COL24A1: variants seen among roughly 807,000 people sequenced by gnomAD.
COL24A1 encodes collagen alpha-1(XXIV) chain.
COL24A1 carries 224 observed loss-of-function variants against 253.9 expected under a neutral mutation model. The observed-to-expected ratio is 0.88, with a 90% confidence interval of 0.79 to 0.99. The LOEUF is 0.99. Among genes scored for constraint, COL24A1 ranks in the 50% least tolerant of loss-of-function variants. The pLI is 0.00. For synonymous variants in COL24A1, 685 were observed against 673.7 expected, an observed-to-expected ratio of 1.02 and a Z score of -0.26; for missense variants, 2,131 against 2,068.5, an observed-to-expected ratio of 1.03 and a Z score of -0.59.
chr1:85,975,961 C>G (rs1692633998), intron 20 of COL24A1, among the ~76,000 whole-genome samples: 1 of 152,130 alleles, frequency 6.6e-6, no homozygotes, highest in Non-Finnish European at 1.5e-5. Flanking sequence ...GTAGGCACTC[C>G]CATTCTCCAG....
intron 24 of COL24A1, among the ~76,000 whole-genome samples, chr1:85,918,927 A>G (rs921680368): frequency 6.6e-6 from 1 of 152,194 alleles, no homozygotes; most frequent in Admixed American, 6.5e-5. Context: ...CTGATGTCAG[A>G]CTTGGCCATA....
chr1:85,967,687 C>T (rs759490387), intron 22 of COL24A1, among the ~76,000 whole-genome samples: 133 of 152,080 alleles, frequency 8.7e-4, no homozygotes, highest in African/African-American at 1.4e-3. Flanking sequence ...TGAAACTGGT[C>T]CACCTCAGAA....
chr1:85,853,065 C>A (rs551106083), intron 37 of COL24A1, among the ~76,000 whole-genome samples: 7 of 152,278 alleles, frequency 4.6e-5, no homozygotes, highest in African/African-American at 1.7e-4. Context: ...ATAATTTTGT[C>A]ACCTAGGTAA....
intron 3 of COL24A1, among the ~76,000 whole-genome samples, chr1:86,118,567 ATAT>A (rs1706388479): frequency 6.6e-6 from 1 of 152,198 alleles, no homozygotes. Context: ...CACTCAATAA[ATAT>A]TATAAAGCAT....
chr1:85,805,978 G>A (rs1558194905), intron 47 of COL24A1, among the ~76,000 whole-genome samples: 1 of 151,642 alleles, frequency 6.6e-6, no homozygotes, highest in East Asian at 2.0e-4. Flanking sequence ...CTGGAGGCTG[G>A]AGCAGGAGAA....
intron 18 of COL24A1, among the ~76,000 whole-genome samples, chr1:86,020,061 C>CTTTTTTTT (rs10582249): frequency 3.4e-3 from 348 of 102,566 alleles, no homozygotes; most frequent in East Asian, 5.0e-3. Context: ...TTCATTCTTT[C>CTTTTTTTT]TTTTTTTTTT....
At chr1:85,807,821 T>C (rs1484098095) in intron 47 of COL24A1, among the ~76,000 whole-genome samples, 1 of 152,206 alleles carries the variant, frequency 6.6e-6, no homozygotes, top group African/African-American at 2.4e-5. Flanking sequence ...ACTAGGTGAC[T>C]GAACACTGGG....
chr1:86,072,229 C>T (rs1205820563), intron 7 of COL24A1, among the ~76,000 whole-genome samples: 1 of 152,184 alleles, frequency 6.6e-6, no homozygotes, highest in Non-Finnish European at 1.5e-5. Flanking sequence ...GATTCCACCC[C>T]CACAGAGCCC....
intron 19 of COL24A1, among the ~76,000 whole-genome samples, chr1:86,006,114 A>G: frequency 6.6e-6 from 1 of 152,206 alleles, no homozygotes; most frequent in African/African-American, 2.4e-5. Context: ...GATTCAATGC[A>G]ATACCAAACA....
intron 24 of COL24A1, among the ~76,000 whole-genome samples, chr1:85,923,473 T>C (rs538249390): frequency 6.6e-6 from 1 of 152,280 alleles, no homozygotes; most frequent in African/African-American, 2.4e-5. Context: ...AAACTCTCTC[T>C]CAGACCACAG....
At chr1:85,947,803 A>T (rs554764123) in intron 24 of COL24A1, among the ~76,000 whole-genome samples, 1 of 152,272 alleles carries the variant, frequency 6.6e-6, no homozygotes, top group Non-Finnish European at 1.5e-5. Flanking sequence ...AATTTTAAGG[A>T]TAGTTCATTT....
chr1:86,003,262 C>A (rs994995838), intron 19 of COL24A1, among the ~76,000 whole-genome samples: 1 of 152,146 alleles, frequency 6.6e-6, no homozygotes, highest in East Asian at 1.9e-4. Flanking sequence ...TTAGAACTTG[C>A]CATTATGTCC....
intron 11 of COL24A1, among the ~76,000 whole-genome samples, 197 bp from the exon 12 acceptor site, chr1:86,047,066 C>A (rs1699961826): frequency 6.6e-6 from 1 of 152,136 alleles, no homozygotes; most frequent in Non-Finnish European, 1.5e-5. Context: ...AAACAAAATT[C>A]TGCTTTTATT....
intron 35 of COL24A1, among the ~76,000 whole-genome samples, chr1:85,872,638 T>C (rs1243223421): frequency 1.3e-5 from 2 of 152,134 alleles, no homozygotes; most frequent in African/African-American, 2.4e-5. Context: ...TAGCCATATG[T>C]AGAAAGCTGA....
At chr1:85,889,645 AGTG>A in intron 31 of COL24A1, 32 bp from the exon 32 acceptor site, 1 of 1,595,222 alleles carries the variant, frequency 6.3e-7, no homozygotes, top group South Asian at 1.1e-5. Flanking sequence ...TTGTAGGAAA[AGTG>A]GTGTGTGAAG....
chr1:85,757,843 ATC>A (rs1666424941), intron 55 of COL24A1, among the ~76,000 whole-genome samples: 1 of 152,156 alleles, frequency 6.6e-6, no homozygotes, highest in African/African-American at 2.4e-5. Flanking sequence ...CGAAGTATAA[ATC>A]TCTCATTAAG....
intron 37 of COL24A1, among the ~76,000 whole-genome samples, chr1:85,864,083 A>C (rs1353079873): frequency 1.3e-5 from 2 of 152,192 alleles, no homozygotes; most frequent in African/African-American, 4.8e-5. Context: ...TCAAGCTGCT[A>C]TAAAAACACA....
intron 47 of COL24A1, among the ~76,000 whole-genome samples, chr1:85,791,192 G>T (rs1670235694): frequency 6.6e-6 from 1 of 152,154 alleles, no homozygotes; most frequent in Non-Finnish European, 1.5e-5. Flanking sequence ...AGCACGGCCT[G>T]TTGGTTCTTG....
At chr1:85,917,533 T>G (rs993299093) in intron 24 of COL24A1, among the ~76,000 whole-genome samples, 1 of 152,156 alleles carries the variant, frequency 6.6e-6, no homozygotes, top group African/African-American at 2.4e-5. Context: ...CTTATTGGTT[T>G]TATTTTATTT....
Sources: gnomAD v4.1 joint callset for allele counts (sites outside exome capture counted in the v4.1 genomes callset) on GRCh38, gnomAD v4.1.1 for gene constraint, MANE v1.5 for transcripts, NCBI Gene and HGNC (gene_info 2026-07-23, HGNC 2026-07-21) for gene names.